The following ABCA4 variants were observed in gnomAD, a reference collection of about 807,000 sequenced individuals.
ABCA4 encodes the protein ATP binding cassette subfamily A member 4, also known as retinal-specific phospholipid-transporting ATPase ABCA4.
Under a neutral mutation model 263.7 loss-of-function variants are expected in ABCA4, and 196 were observed. The observed-to-expected ratio is 0.74, with a 90% CI of 0.66 to 0.84. The LOEUF is 0.84. Ranked by LOEUF, ABCA4 falls within the 40% of genes least tolerant of loss-of-function variation. The pLI, the probability that ABCA4 is intolerant of heterozygous loss-of-function variation, is 0.00. For synonymous variants in ABCA4, 1,133 were observed against 1,094.2 expected (o/e 1.04, Z -0.70); for missense variants, 2,792 against 2,855.1 (o/e 0.98, Z 0.50).
chr1:94,055,267 G>A lies in ABCA4; in HGVS notation c.2431C>T (p.Arg811Cys), dbSNP rs758777521. 6.0e-5 allele frequency: 97 copies of A among 1,614,032 alleles called. No individual in the cohort carries two copies. The highest frequency in any genetic ancestry group is 1.6e-4 in the Middle Eastern group (1 of 6,080). The change falls in exon 16 of 50, where the codon CGC becomes TGC. Residue 811 changes from arginine (R) to cysteine (C), a missense_variant. Arg to Cys is a radical substitution (Grantham distance 180). Coordinates refer to ENST00000370225, the MANE Select transcript of ABCA4 (RefSeq NM_000350.3). ...AFGFGTEYLV[R>C]FEEQGLGLQW... The stretch of plus-strand genomic sequence containing the variant: ...AGCCCCAGGCCTTGCTCTTCAAAGC[G>A]AACCAGGTACTCAGTGCCAAATCCA...
intron 11 of ABCA4, among the ~76,000 whole-genome samples, chr1:94,077,454 G>A (rs948479869): frequency 1.3e-5 from 2 of 152,192 alleles, no homozygotes; most frequent in Admixed American, 6.5e-5. Context: ...ACAGGAGGAG[G>A]TGCCCAGCAT....
At chr1:94,050,986 G>T (rs1570382069) in intron 17 of ABCA4, among the ~76,000 whole-genome samples, 1 of 152,198 alleles carries the variant, frequency 6.6e-6, no homozygotes, top group African/African-American at 2.4e-5. Context: ...TCACAAAAGA[G>T]TCTGTGCTTT....
chr1:94,041,543 G>A, intron 22 of ABCA4, 141 bp from the exon 23 acceptor site: 1 of 847,530 alleles, frequency 1.2e-6, no homozygotes, highest in Non-Finnish European at 1.9e-6. Flanking sequence ...AACTAATTCA[G>A]CAGCAAATTC....
chr1:94,120,382 A>G (rs1057411751), intron 1 of ABCA4, among the ~76,000 whole-genome samples: 1 of 152,198 alleles, frequency 6.6e-6, no homozygotes, highest in Non-Finnish European at 1.5e-5. Context: ...AACGTATTGC[A>G]TCTCACAGAA....
intron 45 of ABCA4, chr1:94,001,584 C>T (rs1057338093): frequency 2.1e-5 from 13 of 624,082 alleles, no homozygotes; most frequent in Non-Finnish European, 3.6e-5. Flanking sequence ...GTGGGCTGAA[C>T]TTCCCGGCTG....
chr1:94,042,116 A>AG (rs1350921063), intron 22 of ABCA4, among the ~76,000 whole-genome samples: 19 of 151,282 alleles, frequency 1.3e-4, no homozygotes, highest in East Asian at 3.9e-4. Context: ...AAAAAAAAAA[A>AG]AAAAGAAAAG....
At chr1:94,045,398 C>T (rs1424056572) in intron 19 of ABCA4, among the ~76,000 whole-genome samples, 1 of 150,026 alleles carries the variant, frequency 6.7e-6, no homozygotes, top group African/African-American at 2.5e-5. Context: ...AGTTAATACA[C>T]TTACAACATT....
chr1:94,059,641 A>G (rs949546881), intron 14 of ABCA4: 2 of 152,182 alleles, frequency 1.3e-5, no homozygotes, highest in Non-Finnish European at 2.9e-5. Context: ...CACACTGCCT[A>G]GTGTGGTACA....
intron 11 of ABCA4, among the ~76,000 whole-genome samples, chr1:94,067,403 A>G (rs968206460): frequency 4.6e-5 from 7 of 152,148 alleles, no homozygotes; most frequent in African/African-American, 1.4e-4. Flanking sequence ...TGGCTGGTTT[A>G]TCAGGCAGCT....
rs78656537 is a variant in ABCA4, at chr1:94,082,896, G to C, written c.858+456C>G. Reference sequence around the variant, plus strand: ...CATCTTTTTACAAAACAACACAAAAGTCCATTGTTTTCTTTATGATGAAAT... The same window carrying C: ...CATCTTTTTACAAAACAACACAAAACTCCATTGTTTTCTTTATGATGAAAT... On this transcript the variant is annotated intron_variant, in intron 7 of 49. Transcript: ENST00000370225. Among the ~76,000 whole-genome samples the C allele has an allele frequency of 1.0e-3, 157 of 152,264 alleles. 1 individual carries two copies. Among genetic ancestry groups the C allele is most frequent in the African/African-American group, 3.5e-3 (146 of 41,540 alleles).
chr1:94,015,333 G>A (rs923102134), intron 37 of ABCA4, among the ~76,000 whole-genome samples: 5 of 152,280 alleles, frequency 3.3e-5, no homozygotes, highest in South Asian at 2.1e-4. Context: ...CTTTTTGGCC[G>A]GAGTCTTCTA....
chr1:94,104,529 G>A (rs548439241), intron 4 of ABCA4, among the ~76,000 whole-genome samples: 1 of 152,262 alleles, frequency 6.6e-6, no homozygotes, highest in Non-Finnish European at 1.5e-5. Context: ...CACCATATCC[G>A]GATTTATGTT....
chr1:94,013,702 A>T lies in ABCA4; in HGVS notation c.5460+841T>A, dbSNP rs567488930. On this transcript the variant is annotated intron_variant, in intron 38 of 49. Transcript: ENST00000370225. ...TGGCCATCTGTCTCTGGACAGGGGGAGGTCAGGTGGAAGGGACAACTGGGC... is the reference window on the plus strand; with the variant it reads ...TGGCCATCTGTCTCTGGACAGGGGGTGGTCAGGTGGAAGGGACAACTGGGC... 4.3e-3 allele frequency among the ~76,000 whole-genome samples: 659 copies of T among 151,988 alleles called. 4 individuals are homozygous for T. The highest frequency in any genetic ancestry group is 0.015 in the African/African-American group (627 of 41,426).
At chr1:94,042,121 G>C (rs140996008) in intron 22 of ABCA4, among the ~76,000 whole-genome samples, 1 of 118,928 alleles carries the variant, frequency 8.4e-6, no homozygotes, top group Non-Finnish European at 1.8e-5. Context: ...AAAAAAAAAA[G>C]AAAAGAAAGA....
chr1:93,994,080 A>G (rs1658936915), intron 49 of ABCA4, among the ~76,000 whole-genome samples: 1 of 152,240 alleles, frequency 6.6e-6, no homozygotes, highest in Admixed American at 6.5e-5. Context: ...TTCTGAAACT[A>G]ACACAAAGAT....
intron 11 of ABCA4, among the ~76,000 whole-genome samples, chr1:94,073,396 G>A (rs1421640902): frequency 8.5e-5 from 13 of 152,286 alleles, no homozygotes; most frequent in African/African-American, 7.2e-5. Context: ...GATTTGCAGC[G>A]TTGTGATTCC....
intron 6 of ABCA4, among the ~76,000 whole-genome samples, chr1:94,087,834 G>T (rs1661871021): frequency 6.6e-6 from 1 of 152,148 alleles, no homozygotes. Flanking sequence ...CAGGTGCTGG[G>T]GACACGGCAG....
intron 40 of ABCA4, among the ~76,000 whole-genome samples, chr1:94,009,552 G>C (rs1180830510): frequency 6.6e-6 from 1 of 152,146 alleles, no homozygotes; most frequent in Non-Finnish European, 1.5e-5. Flanking sequence ...AGTCCTATTG[G>C]TCATTCCCGT....
At chr1:94,002,717 T>C (rs1659226296) in intron 44 of ABCA4, among the ~76,000 whole-genome samples, 1 of 152,132 alleles carries the variant, frequency 6.6e-6, no homozygotes, top group East Asian at 1.9e-4. Flanking sequence ...CCTCTAGTTC[T>C]TCATTCAGGT....
Sources: allele counts gnomAD v4.1 joint callset (sites outside exome capture counted in the v4.1 genomes callset), GRCh38; gene constraint gnomAD v4.1.1; transcripts MANE v1.5; gene names NCBI Gene and HGNC (gene_info 2026-07-23, HGNC 2026-07-21).